LRBA: variants seen among roughly 807,000 people sequenced by gnomAD.
The protein encoded by LRBA is lipopolysaccharide-responsive and beige-like anchor protein.
A neutral mutation model predicts 330.0 loss-of-function variants in LRBA; 176 were observed. That is an observed-to-expected ratio of 0.53 (90% confidence interval 0.47 to 0.60). LRBA has a LOEUF of 0.60. Ranked by LOEUF, LRBA falls within the 20% of genes least tolerant of loss-of-function variation. The pLI is 0.00. For synonymous variants in LRBA, 1,230 were observed against 1,193.0 expected, an observed-to-expected ratio of 1.03 and a Z score of -0.64; for missense variants, 3,259 against 3,444.8, an observed-to-expected ratio of 0.95 and a Z score of 1.35.
chr4:150,697,351 A>AAAAAAAAAAAAAC (rs1491393713), intron 36 of LRBA, among the ~76,000 whole-genome samples: 1 of 147,974 alleles, frequency 6.8e-6, no homozygotes, highest in Non-Finnish European at 1.5e-5. Context: ...AAAAAAAAAA[A>AAAAAAAAAAAAAC]CAGGGAGAGT....
intron 33 of LRBA, among the ~76,000 whole-genome samples, chr4:150,803,110 A>G (rs1741972151): frequency 6.9e-6 from 1 of 145,090 alleles, no homozygotes; most frequent in Non-Finnish European, 1.5e-5. Flanking sequence ...ACACACACAC[A>G]TATATACACA....
intron 37 of LRBA, among the ~76,000 whole-genome samples, chr4:150,651,667 A>G (rs1398246731): frequency 2.0e-5 from 3 of 152,216 alleles, no homozygotes; most frequent in African/African-American, 7.2e-5. Context: ...TATTTGTGAA[A>G]TAAATGAATG....
chr4:150,603,735 A>G (rs1561412800), intron 37 of LRBA, among the ~76,000 whole-genome samples: 1 of 151,650 alleles, frequency 6.6e-6, no homozygotes. Flanking sequence ...CTTGGCCTCA[A>G]ATGATCCTCC....
At chr4:150,434,542 A>G (rs1250847260) in intron 46 of LRBA, among the ~76,000 whole-genome samples, 1 of 152,148 alleles carries the variant, frequency 6.6e-6, no homozygotes, top group African/African-American at 2.4e-5. Flanking sequence ...TTTTCAGACT[A>G]TAGTAATTTT....
chr4:150,893,167 A>T lies in LRBA; in HGVS notation c.2068-18T>A, dbSNP rs186238293. ...TTGTCATCCTATAATCATTTTAGAA[A>T]TTTTTTTTAAAAAATGAGGAAAAAA... On this transcript the variant is annotated intron_variant, in intron 16 of 56. Transcript: ENST00000651943. 96 of 1,501,434 alleles carry T rather than the reference A, an allele frequency of 6.4e-5. No homozygotes were observed. The highest frequency in any genetic ancestry group is 4.7e-4 in the Admixed American group (24 of 50,878). 93.0% of individuals were successfully genotyped at this position (1,501,434 alleles called of 1,614,324 possible).
At chr4:150,644,780 G>C (rs1234776198) in intron 37 of LRBA, among the ~76,000 whole-genome samples, 1 of 151,798 alleles carries the variant, frequency 6.6e-6, no homozygotes, top group East Asian at 1.9e-4. Context: ...CAAAAATTTA[G>C]TACCATCTGA....
At chr4:150,652,900 T>C (rs1271452376) in intron 37 of LRBA, among the ~76,000 whole-genome samples, 2 of 152,256 alleles carry the variant, frequency 1.3e-5, no homozygotes, top group Non-Finnish European at 2.9e-5. Flanking sequence ...ATCTAGGTAC[T>C]GTCAGCTTTG....
At chr4:150,572,326 T>A (rs546414579) in intron 40 of LRBA, among the ~76,000 whole-genome samples, 1 of 152,218 alleles carries the variant, frequency 6.6e-6, no homozygotes, top group South Asian at 2.1e-4. Flanking sequence ...TGGTCTGCAA[T>A]TAGAACATGT....
intron 41 of LRBA, among the ~76,000 whole-genome samples, chr4:150,488,626 A>G (rs1018410216): frequency 1.3e-5 from 2 of 151,356 alleles, no homozygotes; most frequent in African/African-American, 4.8e-5. Flanking sequence ...CAATCTTGAG[A>G]GAGTTTAGAA....
rs1413983293 is a variant in LRBA at position 150,628,137 on chromosome 4, G to A, written c.5922-29006C>T. 2.6e-5 allele frequency among the ~76,000 whole-genome samples: 4 copies of A among 151,942 alleles called. No homozygotes were observed. The South Asian group carries it at 6.2e-4, about 24-fold the overall frequency. Reference sequence around the variant, plus strand: ...GCATTTTACACTTGAATATGCTCAAGGAAAAAAATTAACATTCTTTATCAT... The same window carrying A: ...GCATTTTACACTTGAATATGCTCAAAGAAAAAAATTAACATTCTTTATCAT... On this transcript the variant is annotated intron_variant, in intron 37 of 56. Coordinates refer to ENST00000651943, the MANE Select transcript of LRBA (RefSeq NM_001364905.1).
intron 53 of LRBA, among the ~76,000 whole-genome samples, chr4:150,295,068 G>A (rs984426478): frequency 5.9e-4 from 89 of 152,022 alleles, no homozygotes; most frequent in African/African-American, 2.0e-3. Context: ...GCTAATTAGA[G>A]ATGGTTCTCT....
chr4:150,759,294 A>G (rs962137257), intron 35 of LRBA, among the ~76,000 whole-genome samples: 1 of 152,190 alleles, frequency 6.6e-6, no homozygotes, highest in Admixed American at 6.5e-5. Flanking sequence ...CATTTCCCAC[A>G]GAATAAATTA....
Position 150,395,497 on chromosome 4 carries a change from C to T in LRBA, c.7194+19941G>A, listed in dbSNP as rs368217887. 4.3e-3 allele frequency among the ~76,000 whole-genome samples: 654 copies of T among 152,194 alleles called. 46 individuals are homozygous for T. The South Asian group carries it at 0.13, about 31-fold the overall frequency. ...TAATTTCCTTTAACTGTTATGGCCT[C>T]CTAATTGATTTTCCTGTCTCCATTC... is the stretch of plus-strand genomic sequence containing the variant. On this transcript the variant is annotated intron_variant, in intron 47 of 56. Transcript: ENST00000651943.
At chr4:150,460,419 A>G (rs1000669815) in intron 44 of LRBA, among the ~76,000 whole-genome samples, 1 of 151,866 alleles carries the variant, frequency 6.6e-6, no homozygotes, top group African/African-American at 2.4e-5. Flanking sequence ...CAAATTCACT[A>G]TGGTTCTGTC....
intron 36 of LRBA, among the ~76,000 whole-genome samples, chr4:150,710,550 A>G (rs961063804): frequency 2.0e-5 from 3 of 152,140 alleles, no homozygotes; most frequent in Admixed American, 6.6e-5. Flanking sequence ...AAAAAATACT[A>G]TATTTAATTA....
intron 35 of LRBA, among the ~76,000 whole-genome samples, chr4:150,754,947 T>C (rs1429947052): frequency 6.6e-6 from 1 of 152,250 alleles, no homozygotes; most frequent in Non-Finnish European, 1.5e-5. Flanking sequence ...CTAGCCACAC[T>C]GTTTACTTAC....
rs1554039138 is a variant in LRBA at position 150,489,239 on chromosome 4, C to CGAATATATAATATATTATATATAA, written c.6449-1429_6449-1406dup. On this transcript the variant is annotated intron_variant, in intron 41 of 56. Transcript: ENST00000651943. Reference sequence around the variant, plus strand: ...ACGAATATATAATATATTATATATACGAATATATAATATATTATATATAAG... The same window carrying CGAATATATAATATATTATATATAA: ...ACGAATATATAATATATTATATATACGAATATATAATATATTATATATAAGAATATATAATATATTATATATAAG... Among the ~76,000 whole-genome samples the CGAATATATAATATATTATATATAA allele has an allele frequency of 4.9e-3, 252 of 51,558 alleles. 8 individuals are homozygous for CGAATATATAATATATTATATATAA. Among genetic ancestry groups the CGAATATATAATATATTATATATAA allele is most frequent in the Admixed American group, 0.019 (58 of 2,980 alleles). The allele number at this position is 51,558 out of a possible 152,430, so 33.8% of individuals were successfully genotyped here. A position where few individuals can be genotyped will look rare whatever the true frequency, so the allele number is the denominator to read the frequency against.
At chr4:150,522,364 A>G (rs1253018636) in intron 40 of LRBA, among the ~76,000 whole-genome samples, 1 of 152,220 alleles carries the variant, frequency 6.6e-6, no homozygotes, top group African/African-American at 2.4e-5. Context: ...GCTACAACAT[A>G]TATCTAAAAA....
chr4:150,897,086 G>A (rs961994969), intron 15 of LRBA, among the ~76,000 whole-genome samples: 1 of 150,732 alleles, frequency 6.6e-6, no homozygotes, highest in East Asian at 1.9e-4. Context: ...ACAATTCAAA[G>A]GACACTTTTT....
Sources: gnomAD v4.1 joint callset for allele counts (sites outside exome capture counted in the v4.1 genomes callset) on GRCh38, gnomAD v4.1.1 for gene constraint, MANE v1.5 for transcripts, NCBI Gene and HGNC (gene_info 2026-07-23, HGNC 2026-07-21) for gene names.